Variants in CCDC3 observed in about 807,000 individuals in gnomAD.
The protein encoded by CCDC3 is coiled-coil domain-containing protein 3.
CCDC3 carries 24 observed loss-of-function variants against 21.4 expected under a neutral mutation model. That is an observed-to-expected ratio of 1.12 (90% CI 0.81 to 1.58). CCDC3 has a LOEUF of 1.58. Among genes scored for constraint, CCDC3 ranks in the 40% most tolerant of loss-of-function variants. The pLI is 0.00. For synonymous variants in CCDC3, 186 were observed against 166.0 expected (o/e 1.12, Z -0.93); for missense variants, 425 against 360.9 (o/e 1.18, Z -1.44).
chr10:12,980,842 A>T (rs972948865), intron 2 of CCDC3, among the ~76,000 whole-genome samples: 1 of 151,848 alleles, frequency 6.6e-6, no homozygotes, highest in Non-Finnish European at 1.5e-5. Context: ...GCTACAGGGG[A>T]CTTTGGAAAC....
intron 5 of CCDC3, among the ~76,000 whole-genome samples, chr10:13,035,114 T>C (rs1339265689): frequency 2.0e-5 from 3 of 151,948 alleles, no homozygotes; most frequent in South Asian, 2.1e-4. Context: ...CCTGGCATCA[T>C]TGCAGGATAC....
chr10:12,993,549 T>C (rs146933143), intron 2 of CCDC3, among the ~76,000 whole-genome samples: 2 of 152,312 alleles, frequency 1.3e-5, no homozygotes, highest in African/African-American at 4.8e-5. Context: ...TAGGGGACAG[T>C]AACGGCAGAG....
intron 2 of CCDC3, among the ~76,000 whole-genome samples, chr10:12,950,712 C>T (rs1027294180): frequency 8.5e-5 from 13 of 152,178 alleles, no homozygotes; most frequent in Admixed American, 1.3e-4. Flanking sequence ...CCTGACTCCT[C>T]GCCCATGTCA....
intron 2 of CCDC3, among the ~76,000 whole-genome samples, chr10:12,975,961 C>G (rs1303783964): frequency 6.6e-6 from 1 of 152,200 alleles, no homozygotes; most frequent in Non-Finnish European, 1.5e-5. Context: ...ATTGTACTCT[C>G]TTGAAGGCAG....
At chr10:12,952,021 T>TATACC (rs1017815740) in intron 2 of CCDC3, among the ~76,000 whole-genome samples, 2 of 152,042 alleles carry the variant, frequency 1.3e-5, no homozygotes, top group African/African-American at 4.8e-5. Context: ...AGGCCACGAG[T>TATACC]ATACCCTTTG....
chr10:13,038,173 A>T (rs1371618206), intron 5 of CCDC3, among the ~76,000 whole-genome samples: 1 of 152,130 alleles, frequency 6.6e-6, no homozygotes, highest in African/African-American at 2.4e-5. Flanking sequence ...ACATGGACAC[A>T]TGGCGGGGAA....
chr10:12,957,072 T>C (rs1428228176), intron 2 of CCDC3, among the ~76,000 whole-genome samples: 1 of 152,198 alleles, frequency 6.6e-6, no homozygotes, highest in East Asian at 1.9e-4. Context: ...TCCTTTGAAA[T>C]TAATCATCAG....
At chr10:12,963,024 G>A (rs1471106970) in intron 2 of CCDC3, among the ~76,000 whole-genome samples, 1 of 152,072 alleles carries the variant, frequency 6.6e-6, no homozygotes, top group African/African-American at 2.4e-5. Flanking sequence ...CAAAAGTAAT[G>A]GGATCTATGC....
intron 2 of CCDC3, among the ~76,000 whole-genome samples, chr10:12,967,738 T>C (rs1835282479): frequency 6.6e-6 from 1 of 152,062 alleles, no homozygotes; most frequent in Non-Finnish European, 1.5e-5. Flanking sequence ...GGCAAAGGGG[T>C]AGGCAAGCTT....
intron 5 of CCDC3, among the ~76,000 whole-genome samples, chr10:13,014,907 A>C (rs1328405426): frequency 6.6e-6 from 1 of 152,158 alleles, no homozygotes; most frequent in Non-Finnish European, 1.5e-5. Context: ...ATCAACAGTC[A>C]TATCAGGAGA....
chr10:12,904,621 C>A (rs147018485), intron 2 of CCDC3, among the ~76,000 whole-genome samples: 2 of 152,020 alleles, frequency 1.3e-5, no homozygotes, highest in Non-Finnish European at 2.9e-5. Context: ...CTTTTTGGGT[C>A]ACCTGTCTCC....
intron 3 of CCDC3, among the ~76,000 whole-genome samples, chr10:13,083,150 A>G (rs905261035): frequency 9.9e-5 from 15 of 152,158 alleles, no homozygotes; most frequent in Non-Finnish European, 2.1e-4. Flanking sequence ...TCAGTCCACC[A>G]TTATTCATCA....
At chr10:12,998,154 T>C (rs555758443) in intron 2 of CCDC3, among the ~76,000 whole-genome samples, 184 bp downstream of exon 2, 2 of 152,316 alleles carry the variant, frequency 1.3e-5, no homozygotes, top group African/African-American at 4.8e-5. Context: ...ATCCAAAGTT[T>C]ATGAATGGTC....
chr10:12,938,773 A>G (rs779724840), intron 2 of CCDC3, among the ~76,000 whole-genome samples: 7 of 152,110 alleles, frequency 4.6e-5, no homozygotes, highest in Non-Finnish European at 1.0e-4. Flanking sequence ...TCCAAAAGTA[A>G]CTATTGTAAC....
rs17152702 is a variant in CCDC3, at chr10:13,024,360, T to G, written c.-2+25314A>C. ...GGCAGTCCTCTCTCTGAAGAACTGG[T>G]GTTTGCAGCCTCTCTCTGGCTGCAT... On this transcript the variant is annotated intron_variant, in intron 5 of 6. Transcript: ENST00000378839. 7.0e-3 allele frequency among the ~76,000 whole-genome samples: 1,063 copies of G among 152,264 alleles called. 9 individuals are homozygous for G. Among genetic ancestry groups the G allele is most frequent in the African/African-American group, 0.022 (899 of 41,540 alleles).
rs182991969 is a variant in CCDC3, at chr10:13,023,891, C to G, written c.-1-25379G>C. On this transcript the variant is annotated intron_variant, in intron 5 of 6. Transcript: ENST00000378839. ...TGGCCTACACACACCCAATATACAACGATAAGGCAAGCATAGGAAACCTGC... is the reference window on the plus strand; with the variant it reads ...TGGCCTACACACACCCAATATACAAGGATAAGGCAAGCATAGGAAACCTGC... 2.1e-3 allele frequency among the ~76,000 whole-genome samples: 312 copies of G among 152,146 alleles called. 1 individual carries two copies. Among genetic ancestry groups the G allele is most frequent in the Non-Finnish European group, 2.2e-3 (148 of 68,016 alleles).
chr10:13,088,012 G>A (rs568676613), intron 3 of CCDC3, among the ~76,000 whole-genome samples: 9 of 152,302 alleles, frequency 5.9e-5, no homozygotes, highest in African/African-American at 2.2e-4. Flanking sequence ...GTTTGAGAAA[G>A]GAGTTACTTC....
At chr10:12,927,736 G>A (rs946460169) in intron 2 of CCDC3, among the ~76,000 whole-genome samples, 2 of 152,150 alleles carry the variant, frequency 1.3e-5, no homozygotes, top group Admixed American at 6.5e-5. Context: ...CTCATTTCCC[G>A]ACAAATACAC....
intron 3 of CCDC3, among the ~76,000 whole-genome samples, chr10:13,083,618 A>T (rs1297505637): frequency 6.6e-6 from 1 of 152,246 alleles, no homozygotes; most frequent in Non-Finnish European, 1.5e-5. Flanking sequence ...GCTCACAGGC[A>T]TGTCCCAGCT....
Sources: gnomAD v4.1 joint callset for allele counts (sites outside exome capture counted in the v4.1 genomes callset) on GRCh38, gnomAD v4.1.1 for gene constraint, MANE v1.5 for transcripts, NCBI Gene and HGNC (gene_info 2026-07-23, HGNC 2026-07-21) for gene names.